The following MACROD2 variants were observed in gnomAD, a reference collection of about 807,000 sequenced individuals.
The protein encoded by MACROD2 is mono-ADP ribosylhydrolase 2, also known as ADP-ribose glycohydrolase MACROD2.
MACROD2 carries 36 observed loss-of-function variants against 70.4 expected under a neutral mutation model. The ratio of observed to expected loss-of-function variants is 0.51; its 90% CI spans 0.39 to 0.68. The LOEUF is 0.68. Ranked by LOEUF, MACROD2 falls within the 30% of genes least tolerant of loss-of-function variation. The pLI is 0.00. For synonymous variants in MACROD2, 172 were observed against 178.8 expected (o/e 0.96, Z 0.30); for missense variants, 496 against 538.4 (o/e 0.92, Z 0.78).
intron 5 of MACROD2, among the ~76,000 whole-genome samples, chr20:15,138,259 T>C (rs2076165589): frequency 6.6e-6 from 1 of 152,178 alleles, no homozygotes. Context: ...GTATATTTTG[T>C]TTTATAAATA....
chr20:15,063,108 G>C (rs996358917), intron 5 of MACROD2, among the ~76,000 whole-genome samples: 1 of 152,040 alleles, frequency 6.6e-6, no homozygotes, highest in Non-Finnish European at 1.5e-5. Flanking sequence ...TCATTCATTC[G>C]CTTCATTCAG....
At chr20:14,480,011 G>C (rs2084644415) in intron 3 of MACROD2, among the ~76,000 whole-genome samples, 1 of 152,002 alleles carries the variant, frequency 6.6e-6, no homozygotes, top group Non-Finnish European at 1.5e-5. Flanking sequence ...TGAGTAGCTA[G>C]GACTAATAAG....
chr20:14,969,854 C>T (rs760714142), intron 5 of MACROD2, among the ~76,000 whole-genome samples: 51 of 152,094 alleles, frequency 3.4e-4, no homozygotes, highest in Non-Finnish European at 4.9e-4. Context: ...TTGCTTTAAA[C>T]ATAAATGAAT....
At chr20:14,694,015 GGAA>G (rs2071092003) in intron 5 of MACROD2, among the ~76,000 whole-genome samples, 1 of 152,094 alleles carries the variant, frequency 6.6e-6, no homozygotes, top group African/African-American at 2.4e-5. Context: ...ACTATAGTGA[GGAA>G]GACAGCAGGC....
intron 3 of MACROD2, among the ~76,000 whole-genome samples, chr20:14,365,324 A>G (rs2083261697): frequency 6.6e-6 from 1 of 151,808 alleles, no homozygotes; most frequent in Non-Finnish European, 1.5e-5. Flanking sequence ...AGCTTAGAGA[A>G]ATAAAAGTGG....
chr20:15,379,969 C>T (rs1208327862), intron 6 of MACROD2, among the ~76,000 whole-genome samples: 1 of 152,084 alleles, frequency 6.6e-6, no homozygotes, highest in African/African-American at 2.4e-5. Context: ...ATTCACCATA[C>T]TCAAAGTAAA....
At chr20:14,733,894 A>C (rs528759359) in intron 5 of MACROD2, among the ~76,000 whole-genome samples, 88 of 152,308 alleles carry the variant, frequency 5.8e-4, no homozygotes, top group African/African-American at 2.0e-3. Context: ...GCTGTGCAAC[A>C]TTGAGCTAAT....
At chr20:14,632,698 A>C (rs1984579141) in intron 4 of MACROD2, among the ~76,000 whole-genome samples, 1 of 152,212 alleles carries the variant, frequency 6.6e-6, no homozygotes, top group Admixed American at 6.5e-5. Context: ...GTTTATTTAA[A>C]AGTATAGTAA....
chr20:14,205,553 G>C (rs1393868731), intron 3 of MACROD2, among the ~76,000 whole-genome samples: 1 of 152,180 alleles, frequency 6.6e-6, no homozygotes, highest in East Asian at 1.9e-4. Context: ...CCCTTAGTCT[G>C]ACCCACTTCA....
intron 6 of MACROD2, among the ~76,000 whole-genome samples, chr20:15,237,226 T>C (rs1193194740): frequency 6.6e-6 from 1 of 152,132 alleles, no homozygotes; most frequent in African/African-American, 2.4e-5. Flanking sequence ...ATCATGAAAA[T>C]TAAAGGAAGC....
intron 5 of MACROD2, among the ~76,000 whole-genome samples, chr20:15,070,246 T>A (rs377293359): frequency 2.0e-5 from 3 of 152,186 alleles, no homozygotes; most frequent in African/African-American, 7.2e-5. Flanking sequence ...GTTCTACCAT[T>A]GTATCTTGGA....
chr20:15,289,850 A>C (rs1244108261), intron 6 of MACROD2, among the ~76,000 whole-genome samples: 1 of 152,168 alleles, frequency 6.6e-6, no homozygotes, highest in Non-Finnish European at 1.5e-5. Flanking sequence ...GTGTGAGTCA[A>C]AATGTAAGGC....
intron 4 of MACROD2, among the ~76,000 whole-genome samples, chr20:14,595,081 T>G (rs1410151854): frequency 6.6e-6 from 1 of 152,168 alleles, no homozygotes; most frequent in East Asian, 1.9e-4. Flanking sequence ...TATATTCAGC[T>G]TTGTTCACTC....
intron 5 of MACROD2, among the ~76,000 whole-genome samples, chr20:14,777,226 C>A (rs1772489150): frequency 6.6e-6 from 1 of 151,956 alleles, no homozygotes; most frequent in Non-Finnish European, 1.5e-5. Context: ...TTTTCGAAAG[C>A]AAGGGTATCA....
At chr20:15,226,458 A>C (rs2076907107) in intron 5 of MACROD2, among the ~76,000 whole-genome samples, 1 of 152,218 alleles carries the variant, frequency 6.6e-6, no homozygotes, top group Non-Finnish European at 1.5e-5. Flanking sequence ...CATGTGCAAG[A>C]TAAAGCATTG....
intron 3 of MACROD2, among the ~76,000 whole-genome samples, chr20:14,139,722 A>T (rs1365141812): frequency 1.3e-5 from 2 of 152,224 alleles, no homozygotes; most frequent in Non-Finnish European, 2.9e-5. Flanking sequence ...CAGTTTTCAT[A>T]TGCACAGCAT....
intron 5 of MACROD2, among the ~76,000 whole-genome samples, chr20:14,785,722 C>T (rs1346429122): frequency 6.6e-6 from 1 of 152,050 alleles, no homozygotes; most frequent in Non-Finnish European, 1.5e-5. Flanking sequence ...TTTTCAATCT[C>T]ACCTGAGAAG....
At chr20:14,275,873 A>C (rs2082249868) in intron 3 of MACROD2, among the ~76,000 whole-genome samples, 1 of 152,204 alleles carries the variant, frequency 6.6e-6, no homozygotes. Context: ...AAACACATGA[A>C]AAAATGCTCA....
chr20:15,886,262 A>G (rs1282482048), intron 10 of MACROD2, among the ~76,000 whole-genome samples: 1 of 152,128 alleles, frequency 6.6e-6, no homozygotes, highest in Non-Finnish European at 1.5e-5. Flanking sequence ...TGTCAGCTAA[A>G]ATCTTAGCTG....
Sources: gnomAD v4.1 joint callset for allele counts (sites outside exome capture counted in the v4.1 genomes callset) on GRCh38, gnomAD v4.1.1 for gene constraint, MANE v1.5 for transcripts, NCBI Gene and HGNC (gene_info 2026-07-23, HGNC 2026-07-21) for gene names.